Variants in ST3GAL3 observed in about 807,000 individuals in gnomAD.
The protein encoded by ST3GAL3 is CMP-N-acetylneuraminate-beta-1,4-galactoside alpha-2,3-sialyltransferase.
Under a neutral mutation model 50.1 loss-of-function variants are expected in ST3GAL3, and 21 were observed. The ratio of observed to expected loss-of-function variants is 0.42; its 90% confidence interval spans 0.30 to 0.60. ST3GAL3 has a LOEUF of 0.60. Among genes scored for constraint, ST3GAL3 ranks in the 20% least tolerant of loss-of-function variants. ST3GAL3 has a pLI of 0.19. For missense variants in ST3GAL3, 353 were observed against 489.4 expected (o/e 0.72, Z 2.63); for synonymous variants, 183 against 190.0 (o/e 0.96, Z 0.30).
chr1:43,929,861 G>T (rs1179870696), intron 11 of ST3GAL3, among the ~76,000 whole-genome samples: 2 of 152,190 alleles, frequency 1.3e-5, no homozygotes, highest in African/African-American at 4.8e-5. Context: ...CACTGAGGAG[G>T]GAGGTTGGGA....
chr1:43,733,155 C>T (rs574766416), intron 1 of ST3GAL3, among the ~76,000 whole-genome samples: 2 of 152,152 alleles, frequency 1.3e-5, no homozygotes, highest in East Asian at 3.9e-4. Context: ...CCACCATGTC[C>T]AGCTAATCTT....
intron 2 of ST3GAL3, among the ~76,000 whole-genome samples, chr1:43,766,685 T>G (rs1693155005): frequency 6.6e-6 from 1 of 151,972 alleles, no homozygotes; most frequent in Non-Finnish European, 1.5e-5. Context: ...GAGTTTAGAT[T>G]TAATGCAGCA....
chr1:43,923,709 G>A (rs1321118694), intron 11 of ST3GAL3, among the ~76,000 whole-genome samples: 2 of 152,054 alleles, frequency 1.3e-5, no homozygotes, highest in African/African-American at 4.8e-5. Context: ...ATAAACCCCT[G>A]GGCTCAAGTG....
intron 1 of ST3GAL3, among the ~76,000 whole-genome samples, chr1:43,715,109 G>A (rs1048800157): frequency 2.0e-5 from 3 of 152,038 alleles, no homozygotes; most frequent in African/African-American, 7.3e-5. Context: ...TGTTAAATCA[G>A]GAAATTCTGT....
At chr1:43,809,821 C>T (rs200422878) in intron 3 of ST3GAL3, among the ~76,000 whole-genome samples, 3 of 151,688 alleles carry the variant, frequency 2.0e-5, no homozygotes, top group Non-Finnish European at 2.9e-5. Context: ...GGTGAAACTC[C>T]GTCTCTACTA....
rs780949750 is a variant in ST3GAL3 at position 43,899,469 on chromosome 1, C to A, written c.558-72C>A. 1.3e-6 allele frequency: 2 copies of A among 1,598,454 alleles called. No individual in the cohort carries two copies. The highest frequency in any genetic ancestry group is 8.5e-7 in the Non-Finnish European group (1 of 1,173,858). On this transcript the variant is annotated intron_variant, in intron 8 of 11. Transcript: ENST00000347631. This position sits in a 1 kb window ranked among gnomAD's most constrained non-coding sequence, Gnocchi z 5.4. ...TGACCTGGACTCCCTATTCTCCATGCCTGGGATAGTCTGGGGTCATGGTGC... is the reference window on the plus strand; with the variant it reads ...TGACCTGGACTCCCTATTCTCCATGACTGGGATAGTCTGGGGTCATGGTGC...
At chr1:43,825,825 G>C (rs1008300540) in intron 4 of ST3GAL3, among the ~76,000 whole-genome samples, 3 of 152,164 alleles carry the variant, frequency 2.0e-5, no homozygotes, top group Non-Finnish European at 4.4e-5. Context: ...TAGAAGTACA[G>C]AGTAGAAATC....
At chr1:43,917,459 T>A (rs1291035794) in intron 9 of ST3GAL3, among the ~76,000 whole-genome samples, 1 of 21,524 alleles carries the variant, frequency 4.6e-5, no homozygotes, top group African/African-American at 6.9e-5. Context: ...TAATATATAA[T>A]ATATATAATA....
At chr1:43,913,926 C>G (rs2081355566) in intron 9 of ST3GAL3, 3 of 152,270 alleles carry the variant, frequency 2.0e-5, no homozygotes. Context: ...CTGCCCAGCT[C>G]ACCCACCGCC....
chr1:43,843,656 AT>A (rs1435022545), intron 5 of ST3GAL3, among the ~76,000 whole-genome samples: 1 of 152,174 alleles, frequency 6.6e-6, no homozygotes, highest in African/African-American at 2.4e-5. Flanking sequence ...AATTGGTAAT[AT>A]TTTTTATGAA....
intron 2 of ST3GAL3, among the ~76,000 whole-genome samples, chr1:43,768,043 G>GA (rs200374327): frequency 1.3e-4 from 19 of 150,166 alleles, no homozygotes; most frequent in Admixed American, 3.3e-4. Flanking sequence ...TGATGAAAAA[G>GA]AAAAAAAAAT....
chr1:43,902,018 C>G (rs1201970722), intron 9 of ST3GAL3, among the ~76,000 whole-genome samples: 1 of 152,236 alleles, frequency 6.6e-6, no homozygotes, highest in Non-Finnish European at 1.5e-5. Flanking sequence ...GTGTCCTTCT[C>G]CACCCCAAGC....
chr1:43,830,251 G>C (rs912950741), intron 4 of ST3GAL3, among the ~76,000 whole-genome samples: 1 of 151,730 alleles, frequency 6.6e-6, no homozygotes, highest in Non-Finnish European at 1.5e-5. Context: ...GTTGCCTCTG[G>C]TCTCAAACTC....
chr1:43,747,563 T>A (rs1435829257), intron 2 of ST3GAL3, among the ~76,000 whole-genome samples: 1 of 48,324 alleles, frequency 2.1e-5, no homozygotes, highest in South Asian at 6.3e-4. Context: ...GCTCAGGGAT[T>A]TTTTTTTTTT....
In ST3GAL3 at chr1:43,762,532, G is replaced by A. The variant is rs550690890; in HGVS notation, c.118+26152G>A. Among the ~76,000 whole-genome samples the A allele has an allele frequency of 5.9e-5, 9 of 152,152 alleles. 1 individual carries two copies. In the South Asian group the frequency reaches 1.7e-3, roughly 28 times the overall value. ...TCAACTATAGGTTGAAAAGTGTTGG[G>A]GGCCACAGTTTTATCTCCTGTGAAG... On this transcript the variant is annotated intron_variant, in intron 2 of 11. Transcript: ENST00000347631.
At chr1:43,820,421 AG>A (rs940898148) in intron 4 of ST3GAL3, among the ~76,000 whole-genome samples, 8 of 152,218 alleles carry the variant, frequency 5.3e-5, no homozygotes, top group Admixed American at 5.2e-4. Context: ...AGTCACCAAA[AG>A]CAACTGCAAC....
intron 1 of ST3GAL3, among the ~76,000 whole-genome samples, chr1:43,727,863 T>A (rs964456491): frequency 1.3e-5 from 2 of 152,100 alleles, no homozygotes; most frequent in South Asian, 2.1e-4. Context: ...AAACCTTTTT[T>A]AAAAAAATAA....
At chr1:43,758,076 T>C (rs1688763561) in intron 2 of ST3GAL3, among the ~76,000 whole-genome samples, 1 of 151,900 alleles carries the variant, frequency 6.6e-6, no homozygotes, top group African/African-American at 2.4e-5. Flanking sequence ...GAAAAGATTC[T>C]CAGCATCAAA....
chr1:43,755,843 G>A (rs946849983), intron 2 of ST3GAL3, among the ~76,000 whole-genome samples: 20 of 152,008 alleles, frequency 1.3e-4, no homozygotes, highest in African/African-American at 4.8e-4. Flanking sequence ...AAGCACATTG[G>A]CTCCTAGTGC....
Sources: allele counts gnomAD v4.1 joint callset (sites outside exome capture counted in the v4.1 genomes callset), GRCh38; gene constraint gnomAD v4.1.1; non-coding constraint Gnocchi (gnomAD v3.1); transcripts MANE v1.5; gene names NCBI Gene and HGNC (gene_info 2026-07-23, HGNC 2026-07-21).